The following SLC10A7 variants were observed in gnomAD, a reference collection of about 807,000 sequenced individuals.
SLC10A7 encodes solute carrier family 10 member 7.
A neutral mutation model predicts 43.2 loss-of-function variants in SLC10A7; 29 were observed. The ratio of observed to expected loss-of-function variants is 0.67; its 90% CI spans 0.50 to 0.92. The LOEUF (loss-of-function observed/expected upper bound fraction) is 0.92, where lower values mean the gene tolerates loss of function less well. Ranked by LOEUF, SLC10A7 falls within the 40% of genes least tolerant of loss-of-function variation. SLC10A7 has a pLI of 0.00. For synonymous variants in SLC10A7, 152 were observed against 144.8 expected, an observed-to-expected ratio of 1.05 and a Z score of -0.35; for missense variants, 295 against 403.2, an observed-to-expected ratio of 0.73 and a Z score of 2.30.
intron 5 of SLC10A7, among the ~76,000 whole-genome samples, chr4:146,349,985 A>G (rs562457341): frequency 2.6e-5 from 4 of 152,148 alleles, no homozygotes; most frequent in Non-Finnish European, 5.9e-5. Flanking sequence ...CAAATCTAAA[A>G]TAAAAGTTGA....
chr4:146,258,873 T>C lies in SLC10A7; in HGVS notation c.848-36A>G, dbSNP rs765533227. The C allele has an allele frequency of 6.9e-6, 11 of 1,590,912 alleles. No individual in the cohort carries two copies. The African/African-American group carries it at 1.5e-4, about 22-fold the overall frequency. ...AAGAAGACAGAAAACCTAAACCAAA[T>C]TCAGTCTGTCATCAAATTAAATGCA... On this transcript the variant is annotated intron_variant, in intron 10 of 11. Coordinates refer to ENST00000335472, the MANE Select transcript of SLC10A7 (RefSeq NM_001029998.6).
At chr4:146,514,859 C>T (rs1296193605) in intron 2 of SLC10A7, 1 of 403,040 alleles carries the variant, frequency 2.5e-6, no homozygotes, top group Non-Finnish European at 4.4e-6. Context: ...CACAATGATA[C>T]AATCTAGGAC....
intron 5 of SLC10A7, among the ~76,000 whole-genome samples, chr4:146,439,591 A>G (rs1164059526): frequency 2.0e-5 from 3 of 152,236 alleles, no homozygotes; most frequent in African/African-American, 7.2e-5. Context: ...ACAAACATTC[A>G]TGACAAAGCT....
intron 5 of SLC10A7, among the ~76,000 whole-genome samples, chr4:146,438,775 C>T (rs1009796715): frequency 1.3e-4 from 19 of 151,602 alleles, no homozygotes; most frequent in African/African-American, 2.7e-4. Flanking sequence ...TTTAGTTTGG[C>T]GAATTTGTTT....
chr4:146,476,446 T>C (rs1036935017), intron 4 of SLC10A7, among the ~76,000 whole-genome samples: 6 of 152,086 alleles, frequency 3.9e-5, no homozygotes, highest in African/African-American at 1.2e-4. Context: ...GGCGTTACCT[T>C]TCAGTCTTCT....
At chr4:146,348,305 T>A (rs1297346512) in intron 5 of SLC10A7, among the ~76,000 whole-genome samples, 1 of 152,202 alleles carries the variant, frequency 6.6e-6, no homozygotes, top group Non-Finnish European at 1.5e-5. Flanking sequence ...AAATGCAATC[T>A]AAGATATCTT....
At chr4:146,399,565 T>C (rs907495883) in intron 5 of SLC10A7, among the ~76,000 whole-genome samples, 5 of 152,132 alleles carry the variant, frequency 3.3e-5, no homozygotes, top group African/African-American at 1.2e-4. Context: ...AATGAGTTAA[T>C]GGCATCTTGA....
intron 10 of SLC10A7, among the ~76,000 whole-genome samples, chr4:146,259,593 C>T (rs1219563450): frequency 6.6e-6 from 1 of 152,058 alleles, no homozygotes; most frequent in African/African-American, 2.4e-5. Context: ...AGAGTGAGAC[C>T]CTGTCTCGAA....
intron 5 of SLC10A7, among the ~76,000 whole-genome samples, chr4:146,346,849 A>T (rs1347450162): frequency 6.6e-6 from 1 of 152,152 alleles, no homozygotes; most frequent in African/African-American, 2.4e-5. Flanking sequence ...TTATATTATT[A>T]GGATCTTTGT....
chr4:146,471,867 G>C (rs1053699175), intron 4 of SLC10A7, among the ~76,000 whole-genome samples: 1 of 152,094 alleles, frequency 6.6e-6, no homozygotes. Context: ...CTATGTTAAG[G>C]TGTCAACATT....
intron 6 of SLC10A7, among the ~76,000 whole-genome samples, chr4:146,321,591 T>C (rs1324869003): frequency 6.6e-6 from 1 of 152,118 alleles, no homozygotes; most frequent in Admixed American, 6.6e-5. Context: ...ACACCTTTTA[T>C]GGAATGTGTT....
intron 5 of SLC10A7, among the ~76,000 whole-genome samples, chr4:146,424,506 A>T (rs1217297109): frequency 6.6e-6 from 1 of 152,054 alleles, no homozygotes; most frequent in Admixed American, 6.6e-5. Context: ...ATAAAAATGC[A>T]AAAATTAGCT....
chr4:146,509,270 A>G (rs1365035220), intron 3 of SLC10A7, among the ~76,000 whole-genome samples: 1 of 152,246 alleles, frequency 6.6e-6, no homozygotes, highest in African/African-American at 2.4e-5. Flanking sequence ...TCCTGAAACA[A>G]AGTAGAAGCT....
chr4:146,457,058 G>A (rs551811416), intron 4 of SLC10A7, among the ~76,000 whole-genome samples: 1 of 152,014 alleles, frequency 6.6e-6, no homozygotes, highest in East Asian at 1.9e-4. Flanking sequence ...TCTCAACTCT[G>A]CTATTGTGGT....
intron 5 of SLC10A7, among the ~76,000 whole-genome samples, chr4:146,377,870 G>A (rs557706505): frequency 6.6e-6 from 1 of 152,190 alleles, no homozygotes; most frequent in Admixed American, 6.5e-5. Context: ...CTTTAAAATT[G>A]CCAACAAAAT....
chr4:146,258,359 T>C (rs1185738796), intron 11 of SLC10A7, among the ~76,000 whole-genome samples: 1 of 152,218 alleles, frequency 6.6e-6, no homozygotes, highest in African/African-American at 2.4e-5. Flanking sequence ...GCAAAGATGG[T>C]ATGCACCAGA....
intron 10 of SLC10A7, among the ~76,000 whole-genome samples, chr4:146,264,668 C>T (rs1347247574): frequency 6.6e-6 from 1 of 152,104 alleles, no homozygotes; most frequent in African/African-American, 2.4e-5. Context: ...ACAACTCCTG[C>T]TGCAACTGCA....
intron 5 of SLC10A7, among the ~76,000 whole-genome samples, chr4:146,432,443 T>C (rs1020388402): frequency 2.6e-5 from 4 of 152,156 alleles, no homozygotes; most frequent in Non-Finnish European, 5.9e-5. Flanking sequence ...TACTGATATA[T>C]ACAACATAGA....
intron 10 of SLC10A7, among the ~76,000 whole-genome samples, chr4:146,271,527 C>G (rs1399913343): frequency 1.3e-5 from 2 of 152,170 alleles, no homozygotes; most frequent in African/African-American, 2.4e-5. Flanking sequence ...CTTCCTTTCT[C>G]ACTGCCACAC....
Sources: gnomAD v4.1 joint callset for allele counts (sites outside exome capture counted in the v4.1 genomes callset) on GRCh38, gnomAD v4.1.1 for gene constraint, MANE v1.5 for transcripts, NCBI Gene and HGNC (gene_info 2026-07-23, HGNC 2026-07-21) for gene names.